USP25: variants seen among roughly 807,000 people sequenced by gnomAD.
USP25 encodes ubiquitin carboxyl-terminal hydrolase 25.
USP25 carries 85 observed loss-of-function variants against 158.5 expected under a neutral mutation model. The ratio of observed to expected loss-of-function variants is 0.54; its 90% CI spans 0.45 to 0.64. The LOEUF is 0.64. Ranked by LOEUF, USP25 falls within the 30% of genes least tolerant of loss-of-function variation. The pLI, the probability that USP25 is intolerant of heterozygous loss-of-function variation, is 0.00. For missense variants in USP25, 1,242 were observed against 1,327.3 expected (o/e 0.94, Z 1.00); for synonymous variants, 464 against 460.4 (o/e 1.01, Z -0.10).
chr21:15,872,969 G>A lies in USP25; in HGVS notation c.2886-1434G>A, dbSNP rs1030126264. Among the ~76,000 whole-genome samples, 10 of 151,944 alleles carry A rather than the reference G, an allele frequency of 6.6e-5. 1 individual carries two copies. Among genetic ancestry groups the A allele is most frequent in the Admixed American group, 5.9e-4 (9 of 15,276 alleles). ...AAAAATATATTAATGAAAAACTGAC[G>A]CAAAGGAAATATTTTAAAATAATAT... On this transcript the variant is annotated intron_variant, in intron 23 of 25. Transcript: ENST00000400183.
intron 4 of USP25, among the ~76,000 whole-genome samples, chr21:15,787,947 A>G (rs2035385460): frequency 7.0e-6 from 1 of 143,234 alleles, no homozygotes; most frequent in Non-Finnish European, 1.5e-5. Flanking sequence ...TTTAATGGAA[A>G]CATGATGATC....
intron 17 of USP25, among the ~76,000 whole-genome samples, chr21:15,834,515 G>A (rs568128498): frequency 1.3e-5 from 2 of 151,688 alleles, no homozygotes; most frequent in East Asian, 1.9e-4. Flanking sequence ...TTCATCTTTC[G>A]CAGACAGAGG....
At chr21:15,732,549 A>G (rs1601220683) in intron 1 of USP25, among the ~76,000 whole-genome samples, 1 of 152,170 alleles carries the variant, frequency 6.6e-6, no homozygotes, top group Admixed American at 6.5e-5. Flanking sequence ...CAGACACTTT[A>G]TGGGTTATCT....
In USP25 at chr21:15,846,122, G is replaced by GTA. The variant is rs34210530; in HGVS notation, c.2338-1505_2338-1504dup. On this transcript the variant is annotated intron_variant, in intron 18 of 25. Transcript: ENST00000400183. ...TTTTGATATATGTGTGTGTGTGTGT[G>GTA]TATATATATATATATATATATATAT... Among the ~76,000 whole-genome samples, 282 of 55,710 alleles carry GTA rather than the reference G, an allele frequency of 5.1e-3. 2 individuals are homozygous for GTA. The highest frequency in any genetic ancestry group is 7.2e-3 in the Non-Finnish European group (236 of 32,756). 36.5% of individuals were successfully genotyped at this position (55,710 alleles called of 152,430 possible). A position where few individuals can be genotyped will look rare whatever the true frequency, so the allele number is the denominator to read the frequency against.
chr21:15,837,342 T>C (rs1168902825), intron 17 of USP25, among the ~76,000 whole-genome samples: 1 of 132,116 alleles, frequency 7.6e-6, no homozygotes, highest in African/African-American at 2.9e-5. Context: ...TGGATCAGAG[T>C]GAGTAGGGGA....
chr21:15,791,768 G>A, intron 5 of USP25, 104 bp downstream of exon 5: 1 of 1,202,408 alleles, frequency 8.3e-7, no homozygotes, highest in Non-Finnish European at 1.1e-6. Flanking sequence ...GTACAGATAA[G>A]TTTTTAATAT....
intron 24 of USP25, 74 bp from the exon 25 acceptor site, chr21:15,877,722 A>T (rs984636991): frequency 9.4e-7 from 1 of 1,065,712 alleles, no homozygotes; most frequent in Admixed American, 2.7e-5. Context: ...TGTCTTCCTT[A>T]TTAATACTTA....
intron 6 of USP25, among the ~76,000 whole-genome samples, chr21:15,803,310 C>T (rs1231329484): frequency 6.6e-6 from 1 of 151,682 alleles, no homozygotes; most frequent in African/African-American, 2.4e-5. Flanking sequence ...GAAAAGCAAA[C>T]CACACACCAA....
intron 1 of USP25, among the ~76,000 whole-genome samples, chr21:15,740,951 T>G (rs1220069370): frequency 1.3e-5 from 2 of 151,982 alleles, no homozygotes; most frequent in Non-Finnish European, 2.9e-5. Context: ...ACACTGAAAG[T>G]GTGTAATTTG....
chr21:15,783,845 C>T (rs998184558), intron 4 of USP25, among the ~76,000 whole-genome samples: 4 of 151,462 alleles, frequency 2.6e-5, no homozygotes, highest in African/African-American at 7.3e-5. Flanking sequence ...TGGTGGGTGC[C>T]GGTAGTCTCA....
intron 20 of USP25, among the ~76,000 whole-genome samples, chr21:15,852,424 T>C (rs1425248152): frequency 6.6e-6 from 1 of 152,176 alleles, no homozygotes; most frequent in African/African-American, 2.4e-5. Context: ...CCCGAGGTGT[T>C]AAATAACTAT....
At chr21:15,812,188 T>G (rs901151791) in intron 9 of USP25, among the ~76,000 whole-genome samples, 27 of 151,378 alleles carry the variant, frequency 1.8e-4, no homozygotes, top group African/African-American at 6.5e-4. Flanking sequence ...CATAGTACAT[T>G]TACGTTGGGT....
intron 1 of USP25, among the ~76,000 whole-genome samples, chr21:15,753,054 A>T (rs2033136897): frequency 6.6e-6 from 1 of 152,196 alleles, no homozygotes; most frequent in African/African-American, 2.4e-5. Context: ...GAATACTTGG[A>T]GTATTCTTTA....
chr21:15,810,481 A>G (rs1340041235), intron 8 of USP25, among the ~76,000 whole-genome samples: 2 of 152,218 alleles, frequency 1.3e-5, no homozygotes, highest in African/African-American at 2.4e-5. Context: ...ATAAAAAGAC[A>G]ATTTAAAATT....
At chr21:15,793,686 A>G (rs2035714974) in intron 5 of USP25, among the ~76,000 whole-genome samples, 1 of 151,568 alleles carries the variant, frequency 6.6e-6, no homozygotes, top group African/African-American at 2.4e-5. Context: ...TCAGGTTATA[A>G]TGGCCTAATA....
At position 15,791,671 on chromosome 21, in the gene USP25, A is replaced by AT; in HGVS notation, c.555+12dup. 1 of 1,601,942 alleles carries AT rather than the reference A, an allele frequency of 6.2e-7. No individual in the cohort carries two copies. The highest frequency in any genetic ancestry group is 2.2e-5 in the East Asian group (1 of 44,560). Reference sequence around the variant, plus strand: ...GTTTAGTGCTGTTATTCAGGTAAGGATTTTTCTTTATTCAGTTCTTATTTG... The same window carrying AT: ...GTTTAGTGCTGTTATTCAGGTAAGGATTTTTTCTTTATTCAGTTCTTATTTG... On this transcript the variant is annotated splice_region_variant and intron_variant, in intron 5 of 25. Transcript: ENST00000400183.
intron 1 of USP25, among the ~76,000 whole-genome samples, chr21:15,760,676 G>A (rs1435765395): frequency 6.6e-6 from 1 of 152,184 alleles, no homozygotes; most frequent in Non-Finnish European, 1.5e-5. Context: ...CAACAAAGCT[G>A]AATGCAGAAC....
rs1568772581 is a variant in USP25, at chr21:15,762,963, T to C, written c.118T>C (p.Leu40=). The C allele has an allele frequency of 6.2e-7, 1 of 1,611,760 alleles. No homozygotes were observed. The change falls in exon 2 of 26, where the codon TTG becomes CTG. Residue 40 remains leucine, a synonymous_variant. Coordinates refer to ENST00000400183, the MANE Select transcript of USP25 (RefSeq NM_001283041.3). ...TGACACCCAGATACTACAGCAAGCC[T>C]TGAAGGTATGGCCTCTGTTTTATGA... The part of the protein sequence containing the change: ...INDTQILQQA[L]KDSNGNLELA...
At chr21:15,763,164 A>G (rs1045939715) in intron 2 of USP25, among the ~76,000 whole-genome samples, 196 bp downstream of exon 2, 4 of 152,170 alleles carry the variant, frequency 2.6e-5, no homozygotes, top group African/African-American at 7.2e-5. Context: ...TCTGATGTCC[A>G]TGATACCTTA....
Sources: allele counts gnomAD v4.1 joint callset (sites outside exome capture counted in the v4.1 genomes callset), GRCh38; gene constraint gnomAD v4.1.1; transcripts MANE v1.5; gene names NCBI Gene and HGNC (gene_info 2026-07-23, HGNC 2026-07-21).